PPIP5K2: variants seen among roughly 807,000 people sequenced by gnomAD.
The protein encoded by PPIP5K2 is diphosphoinositol pentakisphosphate kinase 2.
A neutral mutation model predicts 154.6 loss-of-function variants in PPIP5K2; 105 were observed. The observed-to-expected ratio is 0.68, with a 90% CI of 0.58 to 0.80. The LOEUF is 0.80. PPIP5K2 is among the 30% of genes least tolerant of loss of function. The probability of loss-of-function intolerance (pLI) is 0.00; values close to 1 mark genes in which losing one functional copy is unlikely to be tolerated. For synonymous variants in PPIP5K2, 480 were observed against 490.3 expected (o/e 0.98, Z 0.28); for missense variants, 992 against 1,504.6 (o/e 0.66, Z 5.64).
In PPIP5K2 at chr5:103,168,165, A is replaced by C. The variant is rs1797422293; in HGVS notation, c.2156A>C (p.Asp719Ala). ...TTTAAAACAAAGAATGGAAGATATG[A>C]TATTAGTAAAATCCCTGACATATAT... ...KDFKTKNGRYDISKIPDIYDC... is the reference protein window; with the variant it reads ...KDFKTKNGRYAISKIPDIYDC... The change falls in exon 19 of 31, where the codon GAT becomes GCT. Residue 719 changes from aspartate (D) to alanine (A), a missense_variant. Asp to Ala is a moderately radical substitution (Grantham distance 126). Coordinates refer to ENST00000358359, the MANE Select transcript of PPIP5K2 (RefSeq NM_001276277.3). The C allele has an allele frequency of 6.2e-7, 1 of 1,608,902 alleles. No individual in the cohort carries two copies.
chr5:103,154,940 AG>A lies in PPIP5K2; in HGVS notation c.1401del (p.Met468CysfsTer8). On this transcript the variant is annotated frameshift_variant and splice_region_variant, in exon 13 of 31. Coordinates refer to ENST00000358359, the MANE Select transcript of PPIP5K2 (RefSeq NM_001276277.3). LOFTEE classifies it high-confidence loss of function. Reference sequence around the variant, plus strand: ...CTTGAACAACTTAAGACTGTATTAGAGATGTGAGTATCTTTTTGAAACGCTT... The same window carrying A: ...CTTGAACAACTTAAGACTGTATTAGAATGTGAGTATCTTTTTGAAACGCTT... ...PKLEQLKTVL[E>X]MYGHFSGINR... 4 of 1,552,608 alleles carry A rather than the reference AG, an allele frequency of 2.6e-6. No homozygotes were observed. The highest frequency in any genetic ancestry group is 3.5e-6 in the Non-Finnish European group (4 of 1,149,732).
At chr5:103,160,626 GTTTTC>G (rs1796074704) in intron 17 of PPIP5K2, among the ~76,000 whole-genome samples, 1 of 152,038 alleles carries the variant, frequency 6.6e-6, no homozygotes, top group African/African-American at 2.4e-5. Context: ...TATTGTTTTT[GTTTTC>G]TTTTAACTGC....
At chr5:103,184,582 T>A in intron 25 of PPIP5K2, 90 bp from the exon 26 acceptor site, 2 of 928,298 alleles carry the variant, frequency 2.2e-6, no homozygotes, top group Non-Finnish European at 3.4e-6. Context: ...CTTATTAACC[T>A]TTGTCTGTCT....
At chr5:103,199,631 CT>C (rs1802659087) in intron 30 of PPIP5K2, among the ~76,000 whole-genome samples, 1 of 146,784 alleles carries the variant, frequency 6.8e-6, no homozygotes, top group African/African-American at 2.5e-5. Context: ...TTTTTTTTTT[CT>C]TTTTTGGTAA....
At position 103,148,035 on chromosome 5, in the gene PPIP5K2, A is replaced by C; in HGVS notation, c.744+3A>C. The C allele has an allele frequency of 6.5e-7, 1 of 1,536,906 alleles. No homozygotes were observed. The highest frequency in any genetic ancestry group is 8.9e-7 in the Non-Finnish European group (1 of 1,126,514). On this transcript the variant is annotated splice_donor_region_variant and intron_variant, in intron 7 of 30. Transcript: ENST00000358359. ...CCACAGATGGTACTGATGTTAAGGT[A>C]GGATTGATTAAAATAGATTTTAGTT...
intron 17 of PPIP5K2, among the ~76,000 whole-genome samples, chr5:103,162,173 T>G (rs535239357): frequency 6.6e-6 from 1 of 152,270 alleles, no homozygotes; most frequent in South Asian, 2.1e-4. Flanking sequence ...ATTGACCATT[T>G]AGATATCCTC....
intron 5 of PPIP5K2, among the ~76,000 whole-genome samples, chr5:103,143,202 A>G (rs1793142955): frequency 6.6e-6 from 1 of 152,224 alleles, no homozygotes; most frequent in Admixed American, 6.5e-5. Context: ...AGAGAATTAC[A>G]TATGTGTAGT....
At chr5:103,193,396 G>A (rs1554227473) in intron 29 of PPIP5K2, among the ~76,000 whole-genome samples, 1 of 151,844 alleles carries the variant, frequency 6.6e-6, no homozygotes, top group Non-Finnish European at 1.5e-5. Flanking sequence ...TATAACAAGG[G>A]AAAAGGAACT....
Position 103,147,986 on chromosome 5 carries a change from CAT to C in PPIP5K2, c.707_708del (p.Tyr236Ter). The C allele has an allele frequency of 1.2e-6, 2 of 1,603,340 alleles. No individual in the cohort carries two copies. The highest frequency in any genetic ancestry group is 1.7e-6 in the Non-Finnish European group (2 of 1,173,548). On this transcript the variant is annotated frameshift_variant, in exon 7 of 31. Transcript: ENST00000358359. LOFTEE classifies it high-confidence loss of function. The stretch of plus-strand genomic sequence containing the variant: ...GAAAGCAATGTACGAAAAACAGGCT[CAT>C]ATATATATGAAGAGTTTATGCCCAC...
At chr5:103,121,251 TG>T (rs1788661317) in intron 1 of PPIP5K2, among the ~76,000 whole-genome samples, 1 of 152,220 alleles carries the variant, frequency 6.6e-6, no homozygotes, top group Non-Finnish European at 1.5e-5. Context: ...ATAATTTTTT[TG>T]TCTCAGATAG....
chr5:103,150,272 A>G (rs1418418131), intron 8 of PPIP5K2, among the ~76,000 whole-genome samples: 2 of 152,196 alleles, frequency 1.3e-5, no homozygotes, highest in African/African-American at 4.8e-5. Flanking sequence ...TAATAGCTTT[A>G]TAGAAATCCT....
At position 103,201,738 on chromosome 5, in the gene PPIP5K2, G is replaced by A; in HGVS notation, c.*104G>A. The A allele has an allele frequency of 7.1e-6, 6 of 844,980 alleles. No homozygotes were observed. Among genetic ancestry groups the A allele is most frequent in the Non-Finnish European group, 1.1e-5 (6 of 548,220 alleles). 52.3% of individuals were successfully genotyped at this position (844,980 alleles called of 1,614,324 possible). A position where few individuals can be genotyped will look rare whatever the true frequency, so the allele number is the denominator to read the frequency against. On this transcript the variant is annotated 3_prime_UTR_variant, in exon 31 of 31. Coordinates refer to ENST00000358359, the MANE Select transcript of PPIP5K2 (RefSeq NM_001276277.3). ...CACTTAAAAATGTTTTTAAATCTAA[G>A]GTTTTCTTTGTTTATGTTCAGGTAA...
In PPIP5K2 at chr5:103,209,480, A is replaced by T. The variant is rs1803688351; in HGVS notation, c.*7846A>T. The T allele has an allele frequency of 1.3e-5, 2 of 152,162 alleles. No homozygotes were observed. Among genetic ancestry groups the T allele is most frequent in the Non-Finnish European group, 2.9e-5 (2 of 68,024 alleles). The allele number at this position is 152,162 out of a possible 1,614,324, so 9.4% of individuals were successfully genotyped here. On this transcript the variant is annotated 3_prime_UTR_variant, in exon 31 of 31. Coordinates refer to ENST00000358359, the MANE Select transcript of PPIP5K2 (RefSeq NM_001276277.3). Reference sequence around the variant, plus strand: ...TTACATTTTGTGTGGTATGAGTGGCACCATTGTGTGACCCAGGTAGGATAG... The same window carrying T: ...TTACATTTTGTGTGGTATGAGTGGCTCCATTGTGTGACCCAGGTAGGATAG...
At position 103,168,259 on chromosome 5, in the gene PPIP5K2, G is replaced by A; in HGVS notation, c.2250G>A (p.Arg750=). The change falls in exon 19 of 31, where the codon AGG becomes AGA. Residue 750 remains arginine (R), a synonymous_variant. Coordinates refer to ENST00000358359, the MANE Select transcript of PPIP5K2 (RefSeq NM_001276277.3). ...TAGAAAACACAATGGAATTATATAG[G>A]CTTTCGAAGGCATTAGCAGATATTG... ...LKLENTMELY[R]LSKALADIVI... 6.2e-7 allele frequency: 1 copy of A among 1,608,088 alleles called. No individual in the cohort carries two copies. Among genetic ancestry groups the A allele is most frequent in the Non-Finnish European group, 8.5e-7 (1 of 1,175,590 alleles).
chr5:103,141,773 G>A (rs1274037233), intron 5 of PPIP5K2, among the ~76,000 whole-genome samples: 11 of 149,380 alleles, frequency 7.4e-5, no homozygotes, highest in South Asian at 6.4e-4. Flanking sequence ...ACAGAGTGCC[G>A]ATTGGAGTAT....
intron 1 of PPIP5K2, among the ~76,000 whole-genome samples, chr5:103,121,755 AG>A (rs1332473677): frequency 6.6e-6 from 1 of 152,240 alleles, no homozygotes; most frequent in African/African-American, 2.4e-5. Flanking sequence ...TTAAAATCAA[AG>A]GTTGCTGTTT....
chr5:103,149,126 A>G, intron 7 of PPIP5K2, 26 bp from the exon 8 acceptor site: 8 of 1,553,390 alleles, frequency 5.2e-6, no homozygotes, highest in Non-Finnish European at 7.0e-6. Context: ...ATATATATTT[A>G]TACATTTATT....
chr5:103,141,992 G>A (rs1273847307), intron 5 of PPIP5K2, among the ~76,000 whole-genome samples: 1 of 152,236 alleles, frequency 6.6e-6, no homozygotes, highest in Admixed American at 6.5e-5. Flanking sequence ...CCGCACCAGG[G>A]CTGCAGGTGG....
Position 103,204,063 on chromosome 5 carries a change from A to C in PPIP5K2, c.*2429A>C, listed in dbSNP as rs1803343437. 6.6e-6 allele frequency: 1 copy of C among 152,212 alleles called. No individual in the cohort carries two copies. The highest frequency in any genetic ancestry group is 1.5e-5 in the Non-Finnish European group (1 of 68,042). The allele number at this position is 152,212 out of a possible 1,614,324, so 9.4% of individuals were successfully genotyped here. On this transcript the variant is annotated 3_prime_UTR_variant, in exon 31 of 31. Coordinates refer to ENST00000358359, the MANE Select transcript of PPIP5K2 (RefSeq NM_001276277.3). Reference sequence around the variant, plus strand: ...AGTTAAAGTTCTTCAAGAAATATCCAATTAAAACTCACTAGCCAAGGAAAA... The same window carrying C: ...AGTTAAAGTTCTTCAAGAAATATCCCATTAAAACTCACTAGCCAAGGAAAA...
Sources: gnomAD v4.1 joint callset for allele counts (sites outside exome capture counted in the v4.1 genomes callset) on GRCh38, gnomAD v4.1.1 for gene constraint, MANE v1.5 for transcripts, NCBI Gene and HGNC (gene_info 2026-07-23, HGNC 2026-07-21) for gene names.